MCTP2: variants seen among roughly 807,000 people sequenced by gnomAD.
MCTP2 encodes multiple C2 and transmembrane domain containing 2, also known as multiple C2 and transmembrane domain-containing protein 2.
MCTP2 carries 132 observed loss-of-function variants against 111.6 expected under a neutral mutation model. The ratio of observed to expected loss-of-function variants is 1.18; its 90% CI spans 1.03 to 1.37. The LOEUF (loss-of-function observed/expected upper bound fraction) is 1.37. Ranked by LOEUF, MCTP2 falls within the 40% of genes most tolerant of loss-of-function variation. MCTP2 has a pLI of 0.00. For missense variants in MCTP2, 1,183 were observed against 1,067.9 expected (o/e 1.11, Z -1.50); for synonymous variants, 395 against 387.7 (o/e 1.02, Z -0.22).
chr15:94,401,505 T>G (rs1344456533), intron 16 of MCTP2, among the ~76,000 whole-genome samples: 3 of 152,232 alleles, frequency 2.0e-5, no homozygotes, highest in Non-Finnish European at 4.4e-5. Flanking sequence ...ACACTCATTC[T>G]GTGTCTGTAT....
In MCTP2 at chr15:94,380,691, C is replaced by G. The variant is rs138784826; in HGVS notation, c.1583-3331C>G. On this transcript the variant is annotated intron_variant, in intron 12 of 22. Transcript: ENST00000357742. ...GCTGAGGAGGGAGAATTGCTGGAACCCAGGAGGCAGAGGCTGCAGTGAACC... is the reference window on the plus strand; with the variant it reads ...GCTGAGGAGGGAGAATTGCTGGAACGCAGGAGGCAGAGGCTGCAGTGAACC... 6.1e-3 allele frequency among the ~76,000 whole-genome samples: 921 copies of G among 151,978 alleles called. 10 individuals carry two copies. Among genetic ancestry groups the G allele is most frequent in the African/African-American group, 0.021 (885 of 41,444 alleles).
chr15:94,434,279 T>C (rs1367530887), intron 17 of MCTP2, among the ~76,000 whole-genome samples: 4 of 152,050 alleles, frequency 2.6e-5, no homozygotes, highest in African/African-American at 9.7e-5. Flanking sequence ...ATTTTTGTGA[T>C]GTTGCCCAGG....
chr15:94,456,781 C>T (rs1274942601), intron 19 of MCTP2, among the ~76,000 whole-genome samples: 1 of 152,166 alleles, frequency 6.6e-6, no homozygotes, highest in Non-Finnish European at 1.5e-5. Context: ...CATTGCAGCA[C>T]CCTTTACTGG....
intron 21 of MCTP2, among the ~76,000 whole-genome samples, chr15:94,475,728 G>A (rs958067526): frequency 6.6e-6 from 1 of 152,154 alleles, no homozygotes; most frequent in Non-Finnish European, 1.5e-5. Context: ...AAAGACTACA[G>A]CTTATGAGCT....
chr15:94,401,927 A>T lies in MCTP2; in HGVS notation c.1993A>T (p.Lys665Ter). ...CTTATCAAGAGATGTGGACCGTGTGAAAAGAATCACTATGGCAATATGGAA... is the reference window on the plus strand; with the variant it reads ...CTTATCAAGAGATGTGGACCGTGTGTAAAGAATCACTATGGCAATATGGAA... Reference protein sequence around the residue: ...KILSRDVDRVKRITMAIWNTM... With the variant: ...KILSRDVDRV Residue 665 changes from lysine (K) to a stop codon, truncating the protein, a stop_gained, in exon 17 of 23, where the codon AAA becomes TAA. Transcript: ENST00000357742. LOFTEE classifies it high-confidence loss of function. 6.2e-7 allele frequency: 1 copy of T among 1,612,902 alleles called. No homozygotes were observed. The highest frequency in any genetic ancestry group is 8.5e-7 in the Non-Finnish European group (1 of 1,179,184).
chr15:94,298,193 T>C lies in MCTP2; in HGVS notation c.-65-8T>C. On this transcript the variant is annotated splice_polypyrimidine_tract_variant and splice_region_variant and intron_variant, in intron 1 of 22. Coordinates refer to ENST00000357742, the MANE Select transcript of MCTP2 (RefSeq NM_001385001.1). Reference sequence around the variant, plus strand: ...GTTTGTTTTTTGTTGTTTTTTTCTGTTTTATAGGAGTCATTGCAGTTTTCA... The same window carrying C: ...GTTTGTTTTTTGTTGTTTTTTTCTGCTTTATAGGAGTCATTGCAGTTTTCA... 1 of 1,160,036 alleles carries C rather than the reference T, an allele frequency of 8.6e-7. No individual in the cohort carries two copies. The allele number at this position is 1,160,036 out of a possible 1,614,324, so 71.9% of individuals were successfully genotyped here. A position where few individuals can be genotyped will look rare whatever the true frequency, so the allele number is the denominator to read the frequency against.
intron 4 of MCTP2, among the ~76,000 whole-genome samples, chr15:94,326,601 T>A (rs2076883341): frequency 6.6e-6 from 1 of 151,832 alleles, no homozygotes; most frequent in Non-Finnish European, 1.5e-5. Context: ...TGAGTCTCGC[T>A]CTGTCACCCA....
intron 19 of MCTP2, among the ~76,000 whole-genome samples, chr15:94,443,628 T>G (rs2083918979): frequency 6.6e-6 from 1 of 151,968 alleles, no homozygotes; most frequent in African/African-American, 2.4e-5. Context: ...ACCTTGAGAG[T>G]AAGTATCCAG....
intron 1 of MCTP2, among the ~76,000 whole-genome samples, chr15:94,243,539 GTGCA>G: frequency 7.7e-6 from 1 of 129,940 alleles, no homozygotes; most frequent in Non-Finnish European, 1.7e-5. Context: ...ATACGTATGC[GTGCA>G]TACGTATGCG....
At chr15:94,434,523 C>T (rs568597186) in intron 17 of MCTP2, among the ~76,000 whole-genome samples, 13 of 152,014 alleles carry the variant, frequency 8.6e-5, no homozygotes, top group South Asian at 2.1e-4. Flanking sequence ...ATGTATAATC[C>T]ATTTAGAGTT....
intron 17 of MCTP2, among the ~76,000 whole-genome samples, chr15:94,417,675 G>A (rs933072071): frequency 1.3e-5 from 2 of 152,032 alleles, no homozygotes; most frequent in Admixed American, 6.6e-5. Context: ...CCTTGGCATC[G>A]TTCTTGTTTT....
Position 94,241,446 on chromosome 15 carries a change from A to G in MCTP2, c.-66+9782A>G, listed in dbSNP as rs147828638. On this transcript the variant is annotated intron_variant, in intron 1 of 22. Transcript: ENST00000357742. ...TGTTTGTGCAATTTTGGTCGTTTCC[A>G]TGGTTTGTAGTAATATCCTAAATCT... Among the ~76,000 whole-genome samples, 1,128 of 152,210 alleles carry G rather than the reference A, an allele frequency of 7.4e-3. 2 individuals carry two copies. The highest frequency in any genetic ancestry group is 0.023 in the African/African-American group (946 of 41,536).
chr15:94,459,258 A>T (rs758356876), intron 20 of MCTP2, among the ~76,000 whole-genome samples: 5 of 152,178 alleles, frequency 3.3e-5, no homozygotes, highest in Non-Finnish European at 7.4e-5. Flanking sequence ...TTGGAATTGC[A>T]TGGGTAAACA....
intron 12 of MCTP2, among the ~76,000 whole-genome samples, chr15:94,372,673 A>G (rs544613737): frequency 6.6e-6 from 1 of 152,192 alleles, no homozygotes; most frequent in Admixed American, 6.5e-5. Context: ...CATTTAAGAA[A>G]TAAGTATTTC....
chr15:94,473,401 AG>A (rs1440622465), intron 21 of MCTP2, among the ~76,000 whole-genome samples: 2 of 152,192 alleles, frequency 1.3e-5, no homozygotes, highest in South Asian at 4.1e-4. Context: ...TCTCCTGTGT[AG>A]GAGTGTGATT....
chr15:94,235,623 C>T (rs1296703901), intron 1 of MCTP2, among the ~76,000 whole-genome samples: 1 of 152,148 alleles, frequency 6.6e-6, no homozygotes, highest in African/African-American at 2.4e-5. Context: ...CAGGTTGTGC[C>T]AGGCATTTTG....
rs527275055 is a variant in MCTP2 at position 94,334,218 on chromosome 15, A to G, written c.638-5072A>G. Among the ~76,000 whole-genome samples the G allele has an allele frequency of 2.0e-5, 3 of 152,342 alleles. No individual in the cohort carries two copies. In the East Asian group the frequency reaches 5.8e-4, roughly 29 times the overall value. On this transcript the variant is annotated intron_variant, in intron 4 of 22. Coordinates refer to ENST00000357742, the MANE Select transcript of MCTP2 (RefSeq NM_001385001.1). ...TTCTCAAAATGATCCCTTGAAGTTG[A>G]TAGTTTTCTATCTCACAAGTGAAGA...
At chr15:94,347,645 G>A (rs1034206473) in intron 8 of MCTP2, among the ~76,000 whole-genome samples, 2 of 151,982 alleles carry the variant, frequency 1.3e-5, no homozygotes, top group African/African-American at 2.4e-5. Flanking sequence ...GGTTGAATTC[G>A]ACACCTAGTT....
chr15:94,263,911 A>T (rs1463454246), intron 1 of MCTP2, among the ~76,000 whole-genome samples: 1 of 152,220 alleles, frequency 6.6e-6, no homozygotes, highest in Admixed American at 6.5e-5. Flanking sequence ...AAGGCTTTCA[A>T]ATTGTCAGCT....
Sources: gnomAD v4.1 joint callset for allele counts (sites outside exome capture counted in the v4.1 genomes callset) on GRCh38, gnomAD v4.1.1 for gene constraint, MANE v1.5 for transcripts, NCBI Gene and HGNC (gene_info 2026-07-23, HGNC 2026-07-21) for gene names.